RHPN1: variants seen among roughly 807,000 people sequenced by gnomAD.
RHPN1 encodes the protein rhophilin-1.
RHPN1 carries 77 observed loss-of-function variants against 74.7 expected under a neutral mutation model. The ratio of observed to expected loss-of-function variants is 1.03; its 90% CI spans 0.86 to 1.25. RHPN1 has a LOEUF of 1.25. Among genes scored for constraint, RHPN1 ranks in the 50% most tolerant of loss-of-function variants. RHPN1 has a pLI of 0.00. For synonymous variants in RHPN1, 444 were observed against 414.5 expected (o/e 1.07, Z -0.87); for missense variants, 987 against 932.2 (o/e 1.06, Z -0.77).
rs1360336635 is a variant in RHPN1, at chr8:143,383,487, G to A, written c.*836G>A. The A allele has an allele frequency of 6.6e-6, 1 of 152,322 alleles. No individual in the cohort carries two copies. Among genetic ancestry groups the A allele is most frequent in the Non-Finnish European group, 1.5e-5 (1 of 68,130 alleles). The allele number at this position is 152,322 out of a possible 1,614,324, so 9.4% of individuals were successfully genotyped here. A position where few individuals can be genotyped will look rare whatever the true frequency, so the allele number is the denominator to read the frequency against. ...AGGCCGTGAGCTGTCAGTGTCTCAA[G>A]CAGGGGAAGTGAGGGCTGCCTCCAG... On this transcript the variant is annotated 3_prime_UTR_variant, in exon 15 of 15. Transcript: ENST00000289013.
At position 143,378,356 on chromosome 8, in the gene RHPN1, T is replaced by TCGGGGGGGGGCCCCCCCCCCCCCCCCCC; in HGVS notation, c.459+11_459+12insGGGGGGGGGCCCCCCCCCCCCCCCCCCC. The TCGGGGGGGGGCCCCCCCCCCCCCCCCCC allele has an allele frequency of 6.6e-7, 1 of 1,525,438 alleles. No individual in the cohort carries two copies. Among genetic ancestry groups the TCGGGGGGGGGCCCCCCCCCCCCCCCCCC allele is most frequent in the Non-Finnish European group, 8.8e-7 (1 of 1,136,348 alleles). The allele number at this position is 1,525,438 out of a possible 1,614,324, so 94.5% of individuals were successfully genotyped here. A position where few individuals can be genotyped will look rare whatever the true frequency, so the allele number is the denominator to read the frequency against. On this transcript the variant is annotated intron_variant, in intron 5 of 14. Coordinates refer to ENST00000289013, the MANE Select transcript of RHPN1 (RefSeq NM_052924.3). ...GGAGGCCCTGCGGCAGGTGTGTGGT[T>TCGGGGGGGGGCCCCCCCCCCCCCCCCCC]CCCCCGCCCACCCACCCTCCTGCAG...
intron 2 of RHPN1, among the ~76,000 whole-genome samples, chr8:143,376,252 G>T (rs1292664869): frequency 6.6e-6 from 1 of 152,244 alleles, no homozygotes; most frequent in Non-Finnish European, 1.5e-5. Flanking sequence ...GAGCCCCAAA[G>T]AAAGCCGTGG....
At chr8:143,381,768 G>C (rs1417967017) in intron 13 of RHPN1, 39 bp from the exon 14 acceptor site, 3 of 1,606,148 alleles carry the variant, frequency 1.9e-6, no homozygotes, top group African/African-American at 2.7e-5. Flanking sequence ...GCCAGCCAGG[G>C]TGTCCTGTCC....
chr8:143,368,932 T>C lies in RHPN1; in HGVS notation c.-56T>C. ...CGGCCCTAGCCCGGCTGCGGAGCGC[T>C]GCGCGAGCGGCGGGCTGGCTGACCC... On this transcript the variant is annotated 5_prime_UTR_variant, in exon 1 of 15. Coordinates refer to ENST00000289013, the MANE Select transcript of RHPN1 (RefSeq NM_052924.3). 7.3e-7 allele frequency: 1 copy of C among 1,377,316 alleles called. No individual in the cohort carries two copies. The highest frequency in any genetic ancestry group is 9.5e-7 in the Non-Finnish European group (1 of 1,056,432). 85.3% of individuals were successfully genotyped at this position (1,377,316 alleles called of 1,614,324 possible).
chr8:143,383,084 A>C lies in RHPN1; in HGVS notation c.*433A>C. 4.8e-6 allele frequency: 1 copy of C among 208,036 alleles called. No homozygotes were observed. 12.9% of individuals were successfully genotyped at this position (208,036 alleles called of 1,614,324 possible). A position where few individuals can be genotyped will look rare whatever the true frequency, so the allele number is the denominator to read the frequency against. On this transcript the variant is annotated 3_prime_UTR_variant, in exon 15 of 15. Coordinates refer to ENST00000289013, the MANE Select transcript of RHPN1 (RefSeq NM_052924.3). ...CCCCTTCGCTCACTGCCCCTCCACC[A>C]TGCAGCAGCCAGACACACCCACAGC... is the stretch of plus-strand genomic sequence containing the variant.
upstream of RHPN1, chr8:143,367,156 C>T: frequency 6.6e-6 from 1 of 151,944 alleles, no homozygotes; most frequent in East Asian, 1.9e-4. Context: ...GAAGGGCTCC[C>T]AGGGAGCAGA....
intron 4 of RHPN1, 105 bp from the exon 5 acceptor site, chr8:143,378,164 G>T: frequency 2.1e-6 from 2 of 966,758 alleles, no homozygotes; most frequent in Non-Finnish European, 3.2e-6. Flanking sequence ...CTGCGGCACA[G>T]ACCCTCCCTC....
At position 143,380,834 on chromosome 8, in the gene RHPN1, G is replaced by A. The variant is rs961144868; in HGVS notation, c.1411+51G>A. 3 of 1,414,174 alleles carry A rather than the reference G, an allele frequency of 2.1e-6. No individual in the cohort carries two copies. In the East Asian group the frequency reaches 7.7e-5, roughly 36 times the overall value. The allele number at this position is 1,414,174 out of a possible 1,614,324, so 87.6% of individuals were successfully genotyped here. Reference sequence around the variant, plus strand: ...GGCTGCATCCCTGGCCAGGGTGGGGGCCTTCGTCCTGGAGAAAGGGAGGCT... The same window carrying A: ...GGCTGCATCCCTGGCCAGGGTGGGGACCTTCGTCCTGGAGAAAGGGAGGCT... On this transcript the variant is annotated intron_variant, in intron 11 of 14. Coordinates refer to ENST00000289013, the MANE Select transcript of RHPN1 (RefSeq NM_052924.3).
chr8:143,377,200 C>A (rs373187650), intron 3 of RHPN1, among the ~76,000 whole-genome samples, 180 bp from the exon 4 acceptor site: 1 of 152,056 alleles, frequency 6.6e-6, no homozygotes, highest in Non-Finnish European at 1.5e-5. Context: ...GCTTTTGGGG[C>A]GGTTTAGGAC....
chr8:143,377,108 ATG>A (rs1234054756), intron 3 of RHPN1, among the ~76,000 whole-genome samples: 4 of 145,838 alleles, frequency 2.7e-5, no homozygotes, highest in Non-Finnish European at 4.5e-5. Flanking sequence ...GTGCGTGCGC[ATG>A]TGTGTCTGCA....
In RHPN1 at chr8:143,378,330, T is replaced by C; in HGVS notation, c.443T>C (p.Leu148Pro). 1 of 1,557,326 alleles carries C rather than the reference T, an allele frequency of 6.4e-7. No homozygotes were observed. Among genetic ancestry groups the C allele is most frequent in the Non-Finnish European group, 8.7e-7 (1 of 1,151,496 alleles). Residue 148 changes from leucine (L) to proline (P), a missense_variant, in exon 5 of 15, where the codon CTG becomes CCG. Physicochemically the swap from Leu to Pro is moderately conservative, Grantham distance 98. Transcript: ENST00000289013. ...GASYEAEIRELEALRQAMRTP... is the reference protein window; with the variant it reads ...GASYEAEIREPEALRQAMRTP... ...TCCTACGAGGCAGAAATCAGGGAGC[T>C]GGAGGCCCTGCGGCAGGTGTGTGGT...
rs377125823 is a variant in RHPN1 at position 143,378,946 on chromosome 8, C to T, written c.619C>T (p.Arg207Cys). Residue 207 changes from arginine to cysteine, a missense_variant, in exon 7 of 15, where the codon CGT becomes TGT. Physicochemically the swap from Arg to Cys is radical, Grantham distance 180 (BLOSUM62 -3). Coordinates refer to ENST00000289013, the MANE Select transcript of RHPN1 (RefSeq NM_052924.3). ...DSLTGVPAQQ[R>C]ALAFEKGSVL... Reference sequence around the variant, plus strand: ...GCTTACTGGGGTCCCGGCCCAGCAGCGTGCCCTGGCCTTCGAGAAGGGCAG... The same window carrying T: ...GCTTACTGGGGTCCCGGCCCAGCAGTGTGCCCTGGCCTTCGAGAAGGGCAG... 78 of 1,578,530 alleles carry T rather than the reference C, an allele frequency of 4.9e-5. No individual in the cohort carries two copies. The African/African-American group carries it at 8.3e-4, about 17-fold the overall frequency.
intron 1 of RHPN1, chr8:143,374,416 C>A: frequency 1.3e-6 from 1 of 746,420 alleles, no homozygotes; most frequent in Non-Finnish European, 1.6e-6. Context: ...CCTTGTCTTG[C>A]TGCTGACTGG....
At chr8:143,378,442 T>C in intron 5 of RHPN1, 96 bp downstream of exon 5, 2 of 1,091,076 alleles carry the variant, frequency 1.8e-6, no homozygotes, top group Non-Finnish European at 2.6e-6. Flanking sequence ...GAGCTCAGCG[T>C]AGACATCTCG....
intron 1 of RHPN1, 64 bp from the exon 2 acceptor site, chr8:143,375,489 G>A: frequency 8.7e-7 from 1 of 1,150,816 alleles, no homozygotes. Flanking sequence ...TCAGTGGCTG[G>A]CGAGGCGCAG....
At chr8:143,370,607 T>C (rs1295282553) in intron 1 of RHPN1, among the ~76,000 whole-genome samples, 1 of 152,238 alleles carries the variant, frequency 6.6e-6, no homozygotes, top group Non-Finnish European at 1.5e-5. Context: ...GAGAGCAGGC[T>C]TCCAGCAAGC....
rs200767805 is a variant in RHPN1, at chr8:143,382,625, T to A, written c.1987T>A (p.Ser663Thr). Residue 663 changes from serine (S) to threonine (T), a missense_variant, in exon 15 of 15, where the codon TCC becomes ACC. Coordinates refer to ENST00000289013, the MANE Select transcript of RHPN1 (RefSeq NM_052924.3). Reference protein sequence around the residue: ...CAPVKPAPPSSLKHPGWP With the variant: ...CAPVKPAPPSTLKHPGWP ...CCCAGTGAAGCCAGCTCCGCCCTCA[T>A]CCTTGAAGCACCCAGGGTGGCCGTG... is the stretch of plus-strand genomic sequence containing the variant. 597 of 1,610,344 alleles carry A rather than the reference T, an allele frequency of 3.7e-4. 1 individual carries two copies. The highest frequency in any genetic ancestry group is 8.7e-4 in the Middle Eastern group (4 of 4,612).
At chr8:143,377,269 C>A in intron 3 of RHPN1, 111 bp from the exon 4 acceptor site, 1 of 783,388 alleles carries the variant, frequency 1.3e-6, no homozygotes, top group Non-Finnish European at 2.1e-6. Flanking sequence ...CACGTGCACA[C>A]CCATGAGGGA....
Position 143,378,750 on chromosome 8 carries a change from T to C in RHPN1, c.514T>C (p.Tyr172His). ...ESGLELLTAY[Y>H]NQLCFLDARF... ...GGGCCTGGAGCTGCTCACAGCCTATTACAACCAGCTGTGCTTCCTGGATGC... is the reference window on the plus strand; with the variant it reads ...GGGCCTGGAGCTGCTCACAGCCTATCACAACCAGCTGTGCTTCCTGGATGC... The change falls in exon 6 of 15, where the codon TAC becomes CAC. Residue 172 changes from tyrosine (Y) to histidine (H), a missense_variant. Tyr to His is a moderately conservative substitution (Grantham distance 83, BLOSUM62 2). Transcript: ENST00000289013. 3 of 1,587,890 alleles carry C rather than the reference T, an allele frequency of 1.9e-6. No individual in the cohort carries two copies. Among genetic ancestry groups the C allele is most frequent in the Non-Finnish European group, 2.6e-6 (3 of 1,167,730 alleles).
Sources: allele counts gnomAD v4.1 joint callset (sites outside exome capture counted in the v4.1 genomes callset), GRCh38; gene constraint gnomAD v4.1.1; transcripts MANE v1.5; gene names NCBI Gene and HGNC (gene_info 2026-07-23, HGNC 2026-07-21).